CSMD1: variants seen among roughly 807,000 people sequenced by gnomAD.
CSMD1 encodes the protein CUB and Sushi multiple domains 1, also known as CUB and sushi domain-containing protein 1.
CSMD1 carries 213 observed loss-of-function variants against 417.5 expected under a neutral mutation model. The observed-to-expected ratio is 0.51, with a 90% CI of 0.46 to 0.57. The LOEUF is 0.57. Ranked by LOEUF, CSMD1 falls within the 20% of genes least tolerant of loss-of-function variation. The pLI is 0.00. For missense variants in CSMD1, 6,923 were observed against 4,529.7 expected, an observed-to-expected ratio of 1.53 and a Z score of -15.17; for synonymous variants, 2,862 against 1,736.8, an observed-to-expected ratio of 1.65 and a Z score of -16.11.
intron 1 of CSMD1, among the ~76,000 whole-genome samples, chr8:4,829,005 T>C (rs1197058120): frequency 6.6e-6 from 1 of 152,148 alleles, no homozygotes; most frequent in African/African-American, 2.4e-5. Flanking sequence ...ACTGCACTAA[T>C]TATTATTATT....
chr8:4,501,879 C>T (rs1802275431), intron 2 of CSMD1, among the ~76,000 whole-genome samples: 1 of 152,064 alleles, frequency 6.6e-6, no homozygotes, highest in South Asian at 2.1e-4. Flanking sequence ...TACATGCAGG[C>T]TTTGGTGCTG....
chr8:3,225,480 G>T (rs1052748623), intron 27 of CSMD1, among the ~76,000 whole-genome samples: 3 of 151,986 alleles, frequency 2.0e-5, no homozygotes, highest in Admixed American at 1.3e-4. Flanking sequence ...TCACGCCGGG[G>T]CTGCTGACAG....
chr8:4,145,230 G>A lies in CSMD1; in HGVS notation c.416-113131C>T, dbSNP rs375282280. On this transcript the variant is annotated intron_variant, in intron 3 of 69. Transcript: ENST00000635120. ...GAGTACAGATCCTCTTTTCCAAATA[G>A]GACATTCATGACCTGGACAGGTATA... Among the ~76,000 whole-genome samples, 38 of 150,814 alleles carry A rather than the reference G, an allele frequency of 2.5e-4. 4 individuals are homozygous for A. The highest frequency in any genetic ancestry group is 9.5e-4 in the African/African-American group (38 of 40,184).
At chr8:4,033,550 G>T (rs1177662187) in intron 3 of CSMD1, among the ~76,000 whole-genome samples, 1 of 152,180 alleles carries the variant, frequency 6.6e-6, no homozygotes, top group Non-Finnish European at 1.5e-5. Flanking sequence ...TATATCTGAA[G>T]TGTATTGATT....
chr8:3,355,410 C>G (rs778333903), intron 21 of CSMD1, among the ~76,000 whole-genome samples: 1 of 152,162 alleles, frequency 6.6e-6, no homozygotes, highest in Non-Finnish European at 1.5e-5. Context: ...CACAAACCAT[C>G]ACAAAATATT....
At chr8:3,318,376 C>G (rs1289318855) in intron 23 of CSMD1, among the ~76,000 whole-genome samples, 1 of 152,146 alleles carries the variant, frequency 6.6e-6, no homozygotes, top group South Asian at 2.1e-4. Flanking sequence ...TTCATTAATG[C>G]AATCACTTAG....
At position 4,131,061 on chromosome 8, in the gene CSMD1, T is replaced by C. The variant is rs181866877; in HGVS notation, c.416-98962A>G. On this transcript the variant is annotated intron_variant, in intron 3 of 69. Transcript: ENST00000635120. ...GTGATTGGATTTGTCCTAATCCTTTTTAGAAATGCCTCAGAGAAGTGTGAT... is the reference window on the plus strand; with the variant it reads ...GTGATTGGATTTGTCCTAATCCTTTCTAGAAATGCCTCAGAGAAGTGTGAT... Among the ~76,000 whole-genome samples, 5 of 152,316 alleles carry C rather than the reference T, an allele frequency of 3.3e-5. No individual in the cohort carries two copies. The East Asian group carries it at 9.6e-4, about 29-fold the overall frequency.
chr8:3,583,257 GA>G (rs1174276425), intron 9 of CSMD1, among the ~76,000 whole-genome samples: 1 of 151,876 alleles, frequency 6.6e-6, no homozygotes, highest in African/African-American at 2.4e-5. Flanking sequence ...TTTACTCACA[GA>G]GTCAACTGCT....
intron 10 of CSMD1, among the ~76,000 whole-genome samples, chr8:3,527,216 TCAGAAC>T (rs1274974755): frequency 6.6e-6 from 1 of 152,160 alleles, no homozygotes; most frequent in African/African-American, 2.4e-5. Context: ...TTTCCACTAC[TCAGAAC>T]CAAATGTTAA....
At chr8:4,234,587 T>C (rs1284817766) in intron 3 of CSMD1, among the ~76,000 whole-genome samples, 2 of 152,200 alleles carry the variant, frequency 1.3e-5, no homozygotes, top group African/African-American at 2.4e-5. Context: ...GCTTTTTTAA[T>C]TGAGTGTTTG....
At chr8:3,923,956 G>A (rs193158772) in intron 5 of CSMD1, among the ~76,000 whole-genome samples, 1 of 152,264 alleles carries the variant, frequency 6.6e-6, no homozygotes, top group African/African-American at 2.4e-5. Context: ...TACAGTATTA[G>A]AATATTCTGA....
intron 5 of CSMD1, among the ~76,000 whole-genome samples, chr8:3,977,812 T>A (rs550459078): frequency 6.6e-6 from 1 of 152,326 alleles, no homozygotes; most frequent in South Asian, 2.1e-4. Context: ...TATTTCCTTA[T>A]ATGATTCTGT....
chr8:4,929,249 A>C (rs1279440026), intron 1 of CSMD1, among the ~76,000 whole-genome samples: 1 of 152,154 alleles, frequency 6.6e-6, no homozygotes, highest in Non-Finnish European at 1.5e-5. Context: ...GAGAGGCTGC[A>C]GAGAAACCAA....
intron 50 of CSMD1, among the ~76,000 whole-genome samples, chr8:3,049,499 T>A (rs891591707): frequency 6.6e-6 from 1 of 152,202 alleles, no homozygotes; most frequent in Non-Finnish European, 1.5e-5. Flanking sequence ...AGGTGCCAGA[T>A]GATTCCCAAT....
At chr8:4,101,827 C>G (rs530383115) in intron 3 of CSMD1, among the ~76,000 whole-genome samples, 1,124 of 4,782 alleles carry the variant, frequency 0.24, 11 homozygotes, top group South Asian at 0.5. Context: ...TTACTCACTC[C>G]GCACATCTCT....
intron 41 of CSMD1, among the ~76,000 whole-genome samples, chr8:3,137,457 G>C (rs1818169066): frequency 6.6e-6 from 1 of 152,240 alleles, no homozygotes; most frequent in Non-Finnish European, 1.5e-5. Context: ...GTAAGGCACT[G>C]CGCTTCCTGC....
At chr8:4,180,201 G>C (rs1435109687) in intron 3 of CSMD1, among the ~76,000 whole-genome samples, 1 of 151,942 alleles carries the variant, frequency 6.6e-6, no homozygotes, top group Admixed American at 6.6e-5. Context: ...TGATAGACTG[G>C]ATTAAGAAAA....
chr8:4,622,580 CAT>C (rs1801846947), intron 2 of CSMD1, among the ~76,000 whole-genome samples: 1 of 152,076 alleles, frequency 6.6e-6, no homozygotes. Context: ...GCAAACGCGA[CAT>C]GTGTACAAGG....
At chr8:3,787,316 T>G (rs1398469674) in intron 5 of CSMD1, among the ~76,000 whole-genome samples, 1 of 152,188 alleles carries the variant, frequency 6.6e-6, no homozygotes, top group South Asian at 2.1e-4. Context: ...GATATTTAAA[T>G]TGGAAAGCTA....
Sources: allele counts gnomAD v4.1 joint callset (sites outside exome capture counted in the v4.1 genomes callset), GRCh38; gene constraint gnomAD v4.1.1; transcripts MANE v1.5; gene names NCBI Gene and HGNC (gene_info 2026-07-23, HGNC 2026-07-21).